MYH14: variants seen among roughly 807,000 people sequenced by gnomAD.
The protein encoded by MYH14 is myosin heavy chain 14.
Under a neutral mutation model 255.5 loss-of-function variants are expected in MYH14, and 123 were observed. That is an observed-to-expected ratio of 0.48 (90% CI 0.42 to 0.56). The LOEUF (loss-of-function observed/expected upper bound fraction) is 0.56, where lower values mean the gene tolerates loss of function less well. Ranked by LOEUF, MYH14 falls within the 20% of genes least tolerant of loss-of-function variation. The pLI is 0.00. For missense variants in MYH14, 2,423 were observed against 2,802.3 expected (o/e 0.86, Z 3.06); for synonymous variants, 1,095 against 1,161.2 (o/e 0.94, Z 1.16).
In MYH14 at chr19:50,250,817, T is replaced by C. The variant is rs2034343738; in HGVS notation, c.1830+129T>C. ...AGGTCCAGACAAACAGAGCAGGGGC[T>C]AGGAGAGCCCAGGGAGGAGCAAGGA... On this transcript the variant is annotated intron_variant, in intron 15 of 42. Coordinates refer to ENST00000642316, the MANE Select transcript of MYH14 (RefSeq NM_001145809.2). This position sits in a 1 kb window ranked among gnomAD's most constrained non-coding sequence, Gnocchi z 5.4. 1.0e-6 allele frequency: 1 copy of C among 957,746 alleles called. No individual in the cohort carries two copies. The highest frequency in any genetic ancestry group is 1.5e-6 in the Non-Finnish European group (1 of 654,106). The allele number at this position is 957,746 out of a possible 1,614,324, so 59.3% of individuals were successfully genotyped here. A position where few individuals can be genotyped will look rare whatever the true frequency, so the allele number is the denominator to read the frequency against.
intron 41 of MYH14, 40 bp from the exon 42 acceptor site, chr19:50,308,965 G>T: frequency 6.4e-7 from 1 of 1,555,924 alleles, no homozygotes; most frequent in Non-Finnish European, 8.7e-7. Flanking sequence ...AGTGATGACA[G>T]TACCTGGAGA....
chr19:50,306,853 C>A (rs2036669132), intron 40 of MYH14, among the ~76,000 whole-genome samples, 196 bp from the exon 41 acceptor site: 1 of 152,162 alleles, frequency 6.6e-6, no homozygotes, highest in Non-Finnish European at 1.5e-5. Flanking sequence ...TAGTAGAAGC[C>A]AAGGACATGG....
intron 42 of MYH14, 42 bp downstream of exon 42, chr19:50,309,219 CCTAACTCCA>C (rs747355005): frequency 6.3e-7 from 1 of 1,596,474 alleles, no homozygotes; most frequent in Non-Finnish European, 8.6e-7. Context: ...TGGGGAGCAC[CCTAACTCCA>C]TAAACCCCAG....
At chr19:50,259,121 G>T in intron 18 of MYH14, 23 bp from the exon 19 acceptor site, 1 of 1,541,970 alleles carries the variant, frequency 6.5e-7, no homozygotes. Flanking sequence ...GCTGACCCCC[G>T]CGTGTCCGTC....
At position 50,250,633 on chromosome 19, in the gene MYH14, G is replaced by A. The variant is rs1445498283; in HGVS notation, c.1775G>A (p.Arg592Gln). ...CAGGGCGGCCACCCCAAGTTCCAGC[G>A]GCCGAGGCACCTGCGGGATCAGGCC... is the stretch of plus-strand genomic sequence containing the variant. ...QEQGGHPKFQ[R>Q]PRHLRDQADF... is the part of the protein sequence containing the mutation. Residue 592 changes from arginine (R) to glutamine (Q), a missense_variant, in exon 15 of 43, where the codon CGG (arginine) becomes CAG (glutamine). This residue lies in a region of MYH14 where 672 missense variants were observed against 881.8 expected (regional missense o/e 0.76). Coordinates refer to ENST00000642316, the MANE Select transcript of MYH14 (RefSeq NM_001145809.2). The surrounding 1 kb of genome is among the most constrained non-coding windows in gnomAD (Gnocchi z 5.4). 7 of 1,613,870 alleles carry A rather than the reference G, an allele frequency of 4.3e-6. No individual in the cohort carries two copies. The highest frequency in any genetic ancestry group is 1.7e-5 in the Admixed American group (1 of 59,998).
chr19:50,261,663 C>T, intron 21 of MYH14, 28 bp downstream of exon 21: 7 of 1,555,204 alleles, frequency 4.5e-6, no homozygotes, highest in Non-Finnish European at 6.1e-6. Context: ...CTCCCGGGGT[C>T]CTGTTGGCCG....
chr19:50,302,713 C>G (rs2123481956), intron 40 of MYH14, among the ~76,000 whole-genome samples: 1 of 152,132 alleles, frequency 6.6e-6, no homozygotes, highest in East Asian at 1.9e-4. Context: ...CCAGCCTGAC[C>G]AACATGGAGA....
chr19:50,298,160 G>A (rs750628592), intron 39 of MYH14, among the ~76,000 whole-genome samples: 3 of 152,090 alleles, frequency 2.0e-5, no homozygotes, highest in South Asian at 2.1e-4. Flanking sequence ...AAAAGGGTCC[G>A]ATCTAAACCC....
chr19:50,206,428 G>A (rs1467738650), intron 1 of MYH14, among the ~76,000 whole-genome samples: 1 of 149,848 alleles, frequency 6.7e-6, no homozygotes, highest in Non-Finnish European at 1.5e-5. Context: ...TGGGGTGGGT[G>A]GGGGTGAGGG....
intron 27 of MYH14, among the ~76,000 whole-genome samples, chr19:50,275,367 AC>A (rs1188057426): frequency 6.6e-6 from 1 of 152,206 alleles, no homozygotes; most frequent in Non-Finnish European, 1.5e-5. Flanking sequence ...GGACCCGGTA[AC>A]CTCGGCAAGT....
chr19:50,257,584 C>G (rs2034641024), intron 18 of MYH14, 98 bp downstream of exon 18: 3 of 1,239,956 alleles, frequency 2.4e-6, no homozygotes, highest in Non-Finnish European at 2.3e-6. Context: ...CGAGGACCCT[C>G]AAATTAGCTG....
Position 50,293,588 on chromosome 19 carries a change from T to G in MYH14, c.5370T>G (p.Arg1790=). Reference sequence around the variant, plus strand: ...GGGCAGCCATTCTGGAGGAGAAGCGTCAGCTGGAGGGGCGCCTGGGGCAGT... The same window carrying G: ...GGGCAGCCATTCTGGAGGAGAAGCGGCAGCTGGAGGGGCGCCTGGGGCAGT... ...LSKAAILEEK[R]QLEGRLGQLE... Residue 1790 remains arginine (R), a synonymous_variant, in exon 39 of 43, where the codon CGT becomes CGG. Transcript: ENST00000642316. This position sits in a 1 kb window ranked among gnomAD's most constrained non-coding sequence, Gnocchi z 4.1. 1 of 1,612,958 alleles carries G rather than the reference T, an allele frequency of 6.2e-7. No homozygotes were observed.
At chr19:50,224,045 T>TTCCCCCCCCCCCCCC in intron 5 of MYH14, 109 bp from the exon 6 acceptor site, 2 of 316,166 alleles carry the variant, frequency 6.3e-6, no homozygotes, top group African/African-American at 8.6e-5. Flanking sequence ...CCAGTCCCCC[T>TTCCCCCCCCCCCCCC]TCCCCCACCC....
intron 2 of MYH14, among the ~76,000 whole-genome samples, chr19:50,216,445 A>T (rs1396690879): frequency 6.6e-6 from 1 of 152,156 alleles, no homozygotes; most frequent in Non-Finnish European, 1.5e-5. Context: ...TCTACTAAAA[A>T]TAAGAAAAAT....
intron 35 of MYH14, 40 bp from the exon 36 acceptor site, chr19:50,290,847 T>C: frequency 1.3e-6 from 2 of 1,540,576 alleles, no homozygotes; most frequent in Non-Finnish European, 1.7e-6. Context: ...GAGGCTGGGC[T>C]TCCTGTGTCT....
In MYH14 at chr19:50,232,593, CAAAAAAAAAAAAA is replaced by C. The variant is rs532232129; in HGVS notation, c.1114+534_1114+546del. On this transcript the variant is annotated intron_variant, in intron 10 of 42. Transcript: ENST00000642316. Reference sequence around the variant, plus strand: ...TGGTCAACAGAGCGAGACTCTGTCTCAAAAAAAAAAAAAAAAAAAAAAACAAAAAGACCATGAG... The same window carrying C: ...TGGTCAACAGAGCGAGACTCTGTCTCAAAAAAAAAACAAAAAGACCATGAG... 1.3e-4 allele frequency among the ~76,000 whole-genome samples: 8 copies of C among 63,710 alleles called. No homozygotes were observed. The South Asian group carries it at 5.0e-3, about 40-fold the overall frequency. The allele number at this position is 63,710 out of a possible 152,430, so 41.8% of individuals were successfully genotyped here. A position where few individuals can be genotyped will look rare whatever the true frequency, so the allele number is the denominator to read the frequency against.
chr19:50,289,476 C>T lies in MYH14; in HGVS notation c.4793C>T (p.Ala1598Val). Reference sequence around the variant, plus strand: ...CGAGCCTGCCGGGTAGCAGAACAGGCAGCCAATGATCTGCGAGCACAGGTG... The same window carrying T: ...CGAGCCTGCCGGGTAGCAGAACAGGTAGCCAATGATCTGCGAGCACAGGTG... ...LERACRVAEQ[A>V]ANDLRAQVTE... Residue 1598 changes from alanine (A) to valine (V), a missense_variant, in exon 35 of 43, where the codon GCA becomes GTA. Physicochemically the swap from Ala to Val is moderately conservative, Grantham distance 64. Coordinates refer to ENST00000642316, the MANE Select transcript of MYH14 (RefSeq NM_001145809.2). 1 of 1,612,768 alleles carries T rather than the reference C, an allele frequency of 6.2e-7. No individual in the cohort carries two copies. Among genetic ancestry groups the T allele is most frequent in the Non-Finnish European group, 8.5e-7 (1 of 1,179,512 alleles).
rs778385786 is a variant in MYH14 at position 50,275,973 on chromosome 19, G to A, written c.3468-18G>A. On this transcript the variant is annotated intron_variant, in intron 27 of 42. Transcript: ENST00000642316. The stretch of plus-strand genomic sequence containing the variant: ...TGGCCTGCCCCTGTATCAACTCCAC[G>A]GTTCTTGTCACCCCCAGGGCAGAAG... The A allele has an allele frequency of 3.1e-5, 49 of 1,603,554 alleles. No homozygotes were observed. The highest frequency in any genetic ancestry group is 3.8e-5 in the Non-Finnish European group (44 of 1,173,036).
chr19:50,297,557 G>A (rs1012140316), intron 39 of MYH14, among the ~76,000 whole-genome samples: 1 of 132,036 alleles, frequency 7.6e-6, no homozygotes, highest in South Asian at 2.6e-4. Flanking sequence ...GAGTGCAATG[G>A]GCTGATCTTA....
Sources: allele counts gnomAD v4.1 joint callset (sites outside exome capture counted in the v4.1 genomes callset), GRCh38; gene constraint gnomAD v4.1.1; regional missense constraint gnomAD v4.1.1; non-coding constraint Gnocchi (gnomAD v3.1); transcripts MANE v1.5; gene names NCBI Gene and HGNC (gene_info 2026-07-23, HGNC 2026-07-21).